The following FBXW8 variants were observed in gnomAD, a reference collection of about 807,000 sequenced individuals.
FBXW8 encodes F-box/WD repeat-containing protein 8.
In FBXW8, 57 loss-of-function variants were observed where a neutral mutation model predicts 65.3. The observed-to-expected ratio is 0.87, with a 90% CI of 0.71 to 1.09. The LOEUF is 1.09. Ranked by LOEUF, FBXW8 falls within the 50% of genes least tolerant of loss-of-function variation. The pLI is 0.00. For synonymous variants in FBXW8, 308 were observed against 330.2 expected, an observed-to-expected ratio of 0.93 and a Z score of 0.73; for missense variants, 777 against 814.8, an observed-to-expected ratio of 0.95 and a Z score of 0.57.
chr12:117,015,185 A>G (rs1188655782), intron 8 of FBXW8, among the ~76,000 whole-genome samples: 2 of 152,162 alleles, frequency 1.3e-5, no homozygotes, highest in Non-Finnish European at 2.9e-5. Context: ...GCCCATACTC[A>G]GGGCAAGGCT....
Position 116,911,108 on chromosome 12 carries a change from A to T in FBXW8, c.71A>T (p.Lys24Met). The T allele has an allele frequency of 2.1e-6, 3 of 1,400,072 alleles. No homozygotes were observed. The highest frequency in any genetic ancestry group is 2.8e-6 in the Non-Finnish European group (3 of 1,087,168). 86.7% of individuals were successfully genotyped at this position (1,400,072 alleles called of 1,614,324 possible). ...QEELAQAQAPKKRRRPEAAER... is the reference protein window; with the variant it reads ...QEELAQAQAPMKRRRPEAAER... ...GAGCTGGCGCAGGCCCAGGCGCCGA[A>T]GAAGCGGCGACGGCCCGAGGCTGCC... is the stretch of plus-strand genomic sequence containing the variant. The change falls in exon 1 of 11, where the codon AAG (lysine) becomes ATG (methionine). Residue 24 changes from lysine to methionine, a missense_variant. By Grantham distance (95) the Lys-to-Met change is moderately conservative. Transcript: ENST00000652555.
chr12:116,933,030 T>A (rs1353629513), intron 2 of FBXW8, among the ~76,000 whole-genome samples: 1 of 139,344 alleles, frequency 7.2e-6, no homozygotes, highest in Non-Finnish European at 1.6e-5. Context: ...TTAAAAAAAA[T>A]GTGCTGAAGT....
chr12:116,939,477 A>G (rs1001390278), intron 2 of FBXW8, among the ~76,000 whole-genome samples: 2 of 152,198 alleles, frequency 1.3e-5, no homozygotes, highest in South Asian at 2.1e-4. Flanking sequence ...TGAGCGTGGA[A>G]TCCTTTTCTA....
chr12:117,013,323 G>A (rs540790705), intron 8 of FBXW8, among the ~76,000 whole-genome samples: 2 of 152,312 alleles, frequency 1.3e-5, no homozygotes, highest in East Asian at 3.9e-4. Flanking sequence ...CTGAGTTAAT[G>A]TTAGAGTATG....
chr12:117,015,276 A>G (rs566876109), intron 8 of FBXW8, among the ~76,000 whole-genome samples: 1 of 152,098 alleles, frequency 6.6e-6, no homozygotes, highest in African/African-American at 2.4e-5. Flanking sequence ...TCTGCAATCC[A>G]TCAGCTTGGG....
Position 116,953,772 on chromosome 12 carries a change from CA to C in FBXW8, c.677+4076del, listed in dbSNP as rs547255703. On this transcript the variant is annotated intron_variant, in intron 4 of 10. Transcript: ENST00000652555. ...TGGGCGACAGAGCAAGACTCCATCT[CA>C]AAAAAAAAAGACAAAAAAACAAAAC... 3.8e-4 allele frequency among the ~76,000 whole-genome samples: 50 copies of C among 130,592 alleles called. 1 individual carries two copies. The highest frequency in any genetic ancestry group is 8.9e-4 in the East Asian group (4 of 4,476). The allele number at this position is 130,592 out of a possible 152,430, so 85.7% of individuals were successfully genotyped here.
At chr12:116,999,001 A>G (rs1273951862) in intron 7 of FBXW8, among the ~76,000 whole-genome samples, 1 of 152,242 alleles carries the variant, frequency 6.6e-6, no homozygotes, top group Non-Finnish European at 1.5e-5. Flanking sequence ...TCCGCACTTC[A>G]GTCTTCTATA....
chr12:116,921,198 G>A (rs1432371192), intron 1 of FBXW8, among the ~76,000 whole-genome samples: 1 of 152,204 alleles, frequency 6.6e-6, no homozygotes, highest in East Asian at 1.9e-4. Context: ...CAAATTCCAT[G>A]GACATTTATT....
intron 5 of FBXW8, among the ~76,000 whole-genome samples, chr12:116,980,080 C>G (rs935262141): frequency 6.6e-6 from 1 of 152,132 alleles, no homozygotes; most frequent in African/African-American, 2.4e-5. Context: ...CTGGTTGGGA[C>G]TCAAACTTTG....
At chr12:116,971,032 C>CT (rs140922176) in intron 5 of FBXW8, among the ~76,000 whole-genome samples, 76 of 150,280 alleles carry the variant, frequency 5.1e-4, no homozygotes, top group African/African-American at 1.1e-3. Context: ...TAAATGTAAA[C>CT]TTTTTTTTTT....
chr12:116,999,912 A>ACTAT (rs1304412670), intron 7 of FBXW8, among the ~76,000 whole-genome samples: 2 of 151,624 alleles, frequency 1.3e-5, no homozygotes, highest in Non-Finnish European at 2.9e-5. Context: ...AGCCTTACAA[A>ACTAT]CTATCTGCCT....
chr12:116,962,731 A>G (rs1381045588), intron 4 of FBXW8, among the ~76,000 whole-genome samples: 4 of 152,172 alleles, frequency 2.6e-5, no homozygotes, highest in Non-Finnish European at 4.4e-5. Context: ...TTCCTGTCAC[A>G]TAGAATTTAA....
At chr12:116,928,456 A>G (rs1881505594) in intron 2 of FBXW8, among the ~76,000 whole-genome samples, 1 of 152,196 alleles carries the variant, frequency 6.6e-6, no homozygotes, top group South Asian at 2.1e-4. Context: ...ACAGTTTTTA[A>G]TGCAAAGATG....
chr12:116,951,119 G>A (rs1883249460), intron 4 of FBXW8: 1 of 152,210 alleles, frequency 6.6e-6, no homozygotes, highest in African/African-American at 2.4e-5. Context: ...TTCCCTCGGG[G>A]TCTGTTCAAC....
chr12:116,987,016 A>C (rs1286535572), intron 6 of FBXW8: 1 of 152,238 alleles, frequency 6.6e-6, no homozygotes, highest in African/African-American at 2.4e-5. Flanking sequence ...TTCCCACAAA[A>C]TGCTCTGAGT....
intron 7 of FBXW8, among the ~76,000 whole-genome samples, chr12:116,999,915 A>G (rs983226579): frequency 9.2e-5 from 14 of 151,520 alleles, no homozygotes; most frequent in African/African-American, 3.4e-4. Context: ...CTTACAAACT[A>G]TCTGCCTCTC....
chr12:116,964,957 G>T (rs913256400), intron 5 of FBXW8, 103 bp downstream of exon 5: 81 of 1,178,012 alleles, frequency 6.9e-5, no homozygotes, highest in Non-Finnish European at 8.9e-5. Flanking sequence ...ATATGTACAC[G>T]TGGGCACACA....
At chr12:116,943,775 C>T (rs1490305256) in intron 2 of FBXW8, among the ~76,000 whole-genome samples, 2 of 152,226 alleles carry the variant, frequency 1.3e-5, no homozygotes, top group African/African-American at 4.8e-5. Flanking sequence ...CATCCCATTT[C>T]CAAGCTTTTT....
intron 2 of FBXW8, among the ~76,000 whole-genome samples, chr12:116,940,848 A>G (rs1412225334): frequency 6.6e-6 from 1 of 152,136 alleles, no homozygotes; most frequent in Non-Finnish European, 1.5e-5. Flanking sequence ...TTGAGGTGTT[A>G]TTGAGTCTTG....
Sources: allele counts gnomAD v4.1 joint callset (sites outside exome capture counted in the v4.1 genomes callset), GRCh38; gene constraint gnomAD v4.1.1; transcripts MANE v1.5; gene names NCBI Gene and HGNC (gene_info 2026-07-23, HGNC 2026-07-21).